Variants in LEPR observed in about 807,000 individuals in gnomAD.
The protein encoded by LEPR is OB receptor.
In LEPR, 56 loss-of-function variants were observed where a neutral mutation model predicts 114.7. The observed-to-expected ratio is 0.49, with a 90% CI of 0.39 to 0.61. The LOEUF (loss-of-function observed/expected upper bound fraction) is 0.61. Ranked by LOEUF, LEPR falls within the 20% of genes least tolerant of loss-of-function variation. LEPR has a pLI of 0.00. For missense variants in LEPR, 1,202 were observed against 1,352.9 expected, an observed-to-expected ratio of 0.89 and a Z score of 1.75; for synonymous variants, 443 against 461.4, an observed-to-expected ratio of 0.96 and a Z score of 0.51.
At chr1:65,613,186 A>G (rs1216631928) in intron 14 of LEPR, among the ~76,000 whole-genome samples, 1 of 152,204 alleles carries the variant, frequency 6.6e-6, no homozygotes, top group Non-Finnish European at 1.5e-5. Context: ...TTGTAATCCA[A>G]TACTACTTTA....
At chr1:65,631,568 G>C (rs1034202115) in intron 19 of LEPR, among the ~76,000 whole-genome samples, 3 of 151,858 alleles carry the variant, frequency 2.0e-5, no homozygotes, top group Non-Finnish European at 4.4e-5. Flanking sequence ...GTCTGTATTT[G>C]ACTCATTTAC....
intron 2 of LEPR, chr1:65,429,884 C>T: frequency 6.6e-7 from 1 of 1,506,514 alleles, no homozygotes; most frequent in South Asian, 1.3e-5. Flanking sequence ...CTTATTCGTC[C>T]TGATTTTCCA....
chr1:65,588,176 A>C (rs964789022), intron 5 of LEPR, among the ~76,000 whole-genome samples: 1 of 152,056 alleles, frequency 6.6e-6, no homozygotes, highest in African/African-American at 2.4e-5. Flanking sequence ...ACCAAGACTT[A>C]GACTCCCTAA....
At chr1:65,503,007 AAGAG>A (rs1648537672) in intron 2 of LEPR, among the ~76,000 whole-genome samples, 3 of 151,648 alleles carry the variant, frequency 2.0e-5, no homozygotes, top group Admixed American at 6.6e-5. Flanking sequence ...GGGAGAGAGA[AAGAG>A]AGAGAAAGAG....
In LEPR at chr1:65,570,715, C is replaced by T; in HGVS notation, c.283C>T (p.Gln95Ter). The change falls in exon 4 of 20, where the codon CAA becomes TAA. Residue 95 changes from glutamine (Q) to a stop codon, truncating the protein, a stop_gained. Coordinates refer to ENST00000349533, the MANE Select transcript of LEPR (RefSeq NM_002303.6). LOFTEE classifies it high-confidence loss of function. ...TTFHCCFRSEQDRNCSLCADN... is the reference protein window; with the variant it reads ...TTFHCCFRSE ...TTTCCACTGTTGCTTTCGGAGTGAG[C>T]AAGATAGAAACTGCTCCTTATGTGC... 2.5e-6 allele frequency: 4 copies of T among 1,612,500 alleles called. No homozygotes were observed. The highest frequency in any genetic ancestry group is 3.4e-6 in the Non-Finnish European group (4 of 1,178,892).
chr1:65,622,781 C>A, intron 18 of LEPR, 125 bp from the exon 19 acceptor site: 1 of 907,248 alleles, frequency 1.1e-6, no homozygotes, highest in Non-Finnish European at 1.7e-6. Context: ...TGTGAAAATG[C>A]ATCTGACCCT....
At chr1:65,533,701 C>T (rs1650561733) in intron 2 of LEPR, among the ~76,000 whole-genome samples, 1 of 152,120 alleles carries the variant, frequency 6.6e-6, no homozygotes, top group Non-Finnish European at 1.5e-5. Context: ...ACTGTTTTCA[C>T]TAAGATCAGT....
chr1:65,570,628 A>C lies in LEPR; in HGVS notation c.196A>C (p.Thr66Pro), dbSNP rs561158528. The change falls in exon 4 of 20, where the codon ACA becomes CCA. Residue 66 changes from threonine (T) to proline (P), a missense_variant. Transcript: ENST00000349533. ...NTSNSNGHYE[T>P]AVEPKFNSSG... is the part of the protein sequence containing the mutation. ...TTCAAATTCGAATGGACATTATGAGACAGCTGTTGAACCTAAGTTTAATTC... is the reference window on the plus strand; with the variant it reads ...TTCAAATTCGAATGGACATTATGAGCCAGCTGTTGAACCTAAGTTTAATTC... The C allele has an allele frequency of 6.2e-7, 1 of 1,614,004 alleles. No homozygotes were observed. The highest frequency in any genetic ancestry group is 8.5e-7 in the Non-Finnish European group (1 of 1,179,944).
chr1:65,570,748 A>G lies in LEPR; in HGVS notation c.316A>G (p.Ile106Val). ...DRNCSLCADNIEGKTFVSTVN... is the reference protein window; with the variant it reads ...DRNCSLCADNVEGKTFVSTVN... ...AAACTGCTCCTTATGTGCAGACAACATTGAAGGAAAGACATTTGTTTCAAC... is the reference window on the plus strand; with the variant it reads ...AAACTGCTCCTTATGTGCAGACAACGTTGAAGGAAAGACATTTGTTTCAAC... The change falls in exon 4 of 20, where the codon ATT becomes GTT. Residue 106 changes from isoleucine to valine, a missense_variant. Ile to Val is a conservative substitution (Grantham distance 29). Coordinates refer to ENST00000349533, the MANE Select transcript of LEPR (RefSeq NM_002303.6). 6.3e-7 allele frequency: 1 copy of G among 1,590,192 alleles called. No individual in the cohort carries two copies. The highest frequency in any genetic ancestry group is 8.6e-7 in the Non-Finnish European group (1 of 1,166,514).
In LEPR at chr1:65,596,233, G is replaced by A. The variant is rs187523369; in HGVS notation, c.704-215G>A. ...TCATAGTCTTTACCACTTAAGGGGA[G>A]GGTAATGAATATACATGGATTGCTA... On this transcript the variant is annotated intron_variant, in intron 6 of 19. Transcript: ENST00000349533. 1.4e-4 allele frequency among the ~76,000 whole-genome samples: 22 copies of A among 152,160 alleles called. No individual in the cohort carries two copies. The East Asian group carries it at 4.2e-3, about 29-fold the overall frequency.
chr1:65,488,287 CCTCT>C (rs144052026), intron 2 of LEPR, among the ~76,000 whole-genome samples: 8 of 126,606 alleles, frequency 6.3e-5, no homozygotes, highest in East Asian at 2.2e-4. Context: ...TCTTTCCCTC[CCTCT>C]CTCTCTCTCT....
intron 3 of LEPR, among the ~76,000 whole-genome samples, chr1:65,568,510 G>GTA (rs1653928000): frequency 6.6e-6 from 1 of 151,620 alleles, no homozygotes; most frequent in South Asian, 2.1e-4. Context: ...GAGTGTGTGT[G>GTA]TGTGTGTGTG....
chr1:65,518,331 T>G (rs1034137195), intron 2 of LEPR, among the ~76,000 whole-genome samples: 2 of 152,210 alleles, frequency 1.3e-5, no homozygotes, highest in Non-Finnish European at 2.9e-5. Flanking sequence ...TAGATTTTTC[T>G]TAGATAATCT....
chr1:65,603,276 A>G (rs1416627259), intron 10 of LEPR, among the ~76,000 whole-genome samples: 1 of 151,890 alleles, frequency 6.6e-6, no homozygotes, highest in Admixed American at 6.6e-5. Context: ...CTGTGCTTCT[A>G]CTTTGTTCTT....
At chr1:65,525,540 C>G (rs1459219859) in intron 2 of LEPR, 1 of 807,046 alleles carries the variant, frequency 1.2e-6, no homozygotes, top group Non-Finnish European at 1.5e-6. Context: ...GTCCGCTCCT[C>G]CCGCTCAGGG....
At chr1:65,597,534 A>G (rs1251007962) in intron 7 of LEPR, among the ~76,000 whole-genome samples, 1 of 151,912 alleles carries the variant, frequency 6.6e-6, no homozygotes, top group Non-Finnish European at 1.5e-5. Context: ...AGGAGATGGT[A>G]ATGTAGATAT....
At chr1:65,428,831 A>AT (rs967388915) in intron 2 of LEPR, among the ~76,000 whole-genome samples, 21 of 150,102 alleles carry the variant, frequency 1.4e-4, no homozygotes, top group African/African-American at 2.9e-4. Context: ...CCAGATGGCA[A>AT]TTTTTTTTTT....
intron 19 of LEPR, chr1:65,634,095 CT>C: frequency 1.0e-6 from 1 of 985,312 alleles, no homozygotes; most frequent in Non-Finnish European, 1.2e-6. Context: ...AACTTTTCTA[CT>C]TTCAGACAGA....
chr1:65,445,227 C>T (rs1041129327), intron 2 of LEPR, among the ~76,000 whole-genome samples: 2 of 152,170 alleles, frequency 1.3e-5, no homozygotes, highest in African/African-American at 4.8e-5. Context: ...TCAAAAAGCC[C>T]TTTGCCAAGC....
Sources: gnomAD v4.1 joint callset for allele counts (sites outside exome capture counted in the v4.1 genomes callset) on GRCh38, gnomAD v4.1.1 for gene constraint, MANE v1.5 for transcripts, NCBI Gene and HGNC (gene_info 2026-07-23, HGNC 2026-07-21) for gene names.